The following SEPTIN8 variants were observed in gnomAD, a reference collection of about 807,000 sequenced individuals.
SEPTIN8 encodes septin 8, also known as septin-8.
In SEPTIN8, 22 loss-of-function variants were observed where a neutral mutation model predicts 53.1. The observed-to-expected ratio is 0.41, with a 90% confidence interval of 0.30 to 0.59. SEPTIN8 has a LOEUF of 0.59. Among genes scored for constraint, SEPTIN8 ranks in the 20% least tolerant of loss-of-function variants. The pLI is 0.24. For missense variants in SEPTIN8, 536 were observed against 638.7 expected, an observed-to-expected ratio of 0.84 and a Z score of 1.73; for synonymous variants, 228 against 248.4, an observed-to-expected ratio of 0.92 and a Z score of 0.77.
chr5:132,770,499 G>A (rs1757219401), intron 1 of SEPTIN8, among the ~76,000 whole-genome samples: 1 of 152,102 alleles, frequency 6.6e-6, no homozygotes, highest in Non-Finnish European at 1.5e-5. Context: ...ATATTTTTAT[G>A]TGAAATTCTG....
chr5:132,763,951 G>T, intron 3 of SEPTIN8, 59 bp from the exon 4 acceptor site: 6 of 1,485,616 alleles, frequency 4.0e-6, no homozygotes, highest in Non-Finnish European at 5.4e-6. Context: ...TTGGGGCTTG[G>T]GGGGCTCAGG....
intron 9 of SEPTIN8, 117 bp from the exon 10 acceptor site, chr5:132,752,298 A>G (rs1241035897): frequency 1.4e-5 from 18 of 1,331,640 alleles, no homozygotes; most frequent in Non-Finnish European, 1.8e-5. Context: ...GCCTCTGGAA[A>G]ATGTTCTGGC....
chr5:132,752,735 G>A (rs1429854669), intron 9 of SEPTIN8: 23 of 678,122 alleles, frequency 3.4e-5, no homozygotes, highest in South Asian at 2.6e-4. Context: ...GAGATGGTAG[G>A]ATTAGTGGTC....
chr5:132,758,719 T>C (rs1001734563), intron 9 of SEPTIN8: 4 of 1,610,800 alleles, frequency 2.5e-6, no homozygotes, highest in Non-Finnish European at 2.5e-6. Flanking sequence ...TCCCAGTCCG[T>C]CCTCACACCA....
At chr5:132,766,433 G>A (rs1442077495) in intron 1 of SEPTIN8, among the ~76,000 whole-genome samples, 3 of 152,216 alleles carry the variant, frequency 2.0e-5, no homozygotes, top group Non-Finnish European at 4.4e-5. Context: ...AAACCACGAG[G>A]ACCCAAAGCA....
chr5:132,771,800 C>T (rs750596298), intron 1 of SEPTIN8, among the ~76,000 whole-genome samples: 25 of 148,150 alleles, frequency 1.7e-4, no homozygotes, highest in Non-Finnish European at 3.3e-4. Flanking sequence ...GGAAAGGCTT[C>T]GGCTCTGGTC....
intron 9 of SEPTIN8, chr5:132,753,121 GA>G: frequency 1.7e-5 from 11 of 645,576 alleles, no homozygotes; most frequent in South Asian, 3.8e-5. Flanking sequence ...TGAGCCCTTG[GA>G]AAAAAAATAA....
At position 132,765,454 on chromosome 5, in the gene SEPTIN8, T is replaced by G; in HGVS notation, c.106A>C (p.Ser36Arg). Residue 36 changes from serine (S) to arginine (R), a missense_variant, in exon 2 of 10, where the codon AGC (serine) becomes CGC (arginine). This residue lies in a region of SEPTIN8 where 395 missense variants were observed against 451.8 expected (regional missense o/e 0.87). Transcript: ENST00000378719. ...CTGAAGCCCTGAGTGACCGACTTGC[T>G]GACCAGCTGGTCGGGGAGGCTGTCG... Reference protein sequence around the residue: ...GFDSLPDQLVSKSVTQGFSFN... With the variant: ...GFDSLPDQLVRKSVTQGFSFN... 1.2e-6 allele frequency: 2 copies of G among 1,613,672 alleles called. No individual in the cohort carries two copies. The highest frequency in any genetic ancestry group is 1.7e-6 in the Non-Finnish European group (2 of 1,179,736).
At position 132,761,905 on chromosome 5, in the gene SEPTIN8, G is replaced by T; in HGVS notation, c.697-9C>A. 6.3e-7 allele frequency: 1 copy of T among 1,575,578 alleles called. No homozygotes were observed. The highest frequency in any genetic ancestry group is 1.2e-5 in the South Asian group (1 of 85,832). On this transcript the variant is annotated splice_polypyrimidine_tract_variant and intron_variant, in intron 5 of 9. Coordinates refer to ENST00000378719, the MANE Select transcript of SEPTIN8 (RefSeq NM_001098811.2). The surrounding 1 kb of genome is among the most constrained non-coding windows in gnomAD (Gnocchi z 5.8). ...GCAAAGGGCAGATGTGCCTGGAAAG[G>T]GGCCCGGGTATGCGTAAGCCCTGAG...
rs752563836 is a variant in SEPTIN8, at chr5:132,761,890, G to C, written c.703C>G (p.Leu235Val). Residue 235 changes from leucine (L) to valine (V), a missense_variant, in exon 6 of 10, where the codon CTG (leucine) becomes GTG (valine). By Grantham distance (32) the Leu-to-Val change is conservative (BLOSUM62 1). Around this residue, in one of 3 missense-constraint regions of SEPTIN8, gnomAD observed 395 missense variants for 451.8 expected, o/e 0.87. Transcript: ENST00000378719. This position sits in a 1 kb window ranked among gnomAD's most constrained non-coding sequence, Gnocchi z 5.8. ...AEINAVMNAH[L>V]PFAVVGSTEE... ...GTGCTGCCCACCACGGCAAAGGGCA[G>C]ATGTGCCTGGAAAGGGGCCCGGGTA... 1.3e-6 allele frequency: 2 copies of C among 1,590,362 alleles called. No homozygotes were observed. The highest frequency in any genetic ancestry group is 2.3e-5 in the South Asian group (2 of 87,354).
chr5:132,770,125 GTATATA>G (rs1248248487), intron 1 of SEPTIN8, among the ~76,000 whole-genome samples: 14 of 47,318 alleles, frequency 3.0e-4, no homozygotes, highest in Middle Eastern at 9.3e-3. Flanking sequence ...ATATATATAT[GTATATA>G]TGTGTATGTG....
At position 132,770,362 on chromosome 5, in the gene SEPTIN8, T is replaced by A. The variant is rs570953054; in HGVS notation, c.31-4833A>T. Among the ~76,000 whole-genome samples, 11 of 151,642 alleles carry A rather than the reference T, an allele frequency of 7.3e-5. No individual in the cohort carries two copies. In the South Asian group the frequency reaches 2.3e-3, roughly 32 times the overall value. ...GCCTGGCTGATTTTTGTATTTTTAGTAGAGACGGGGTTTCACTATGTTGGC... is the reference window on the plus strand; with the variant it reads ...GCCTGGCTGATTTTTGTATTTTTAGAAGAGACGGGGTTTCACTATGTTGGC... On this transcript the variant is annotated intron_variant, in intron 1 of 9. Transcript: ENST00000378719.
At chr5:132,756,231 G>GCA in intron 9 of SEPTIN8, 1 of 985,380 alleles carries the variant, frequency 1.0e-6, no homozygotes, top group Non-Finnish European at 1.2e-6. Flanking sequence ...AGTCAGTAAT[G>GCA]CACAATTACA....
intron 1 of SEPTIN8, among the ~76,000 whole-genome samples, chr5:132,775,480 G>A (rs1757705807): frequency 6.6e-6 from 1 of 152,160 alleles, no homozygotes; most frequent in Non-Finnish European, 1.5e-5. Context: ...CCCCTATGAG[G>A]GAAGAAATAT....
At chr5:132,763,494 A>G (rs984766476) in intron 4 of SEPTIN8, among the ~76,000 whole-genome samples, 1 of 152,102 alleles carries the variant, frequency 6.6e-6, no homozygotes, top group Non-Finnish European at 1.5e-5. Context: ...GACCCAGGGC[A>G]CAGGACTCTG....
At chr5:132,767,943 C>CCACACACACA (rs57640097) in intron 1 of SEPTIN8, among the ~76,000 whole-genome samples, 5,556 of 127,892 alleles carry the variant, frequency 0.043, 252 homozygotes, top group East Asian at 0.14. Flanking sequence ...TGTCTGGAAA[C>CCACACACACA]CACACACACA....
At chr5:132,767,383 C>G (rs567570589) in intron 1 of SEPTIN8, among the ~76,000 whole-genome samples, 45 of 152,238 alleles carry the variant, frequency 3.0e-4, no homozygotes, top group African/African-American at 9.9e-4. Context: ...CCCCTCCCCT[C>G]GGCTCTACAG....
chr5:132,758,498 G>A, intron 9 of SEPTIN8: 1 of 1,612,638 alleles, frequency 6.2e-7, no homozygotes, highest in Non-Finnish European at 8.5e-7. Flanking sequence ...CGCTAGAGCG[G>A]CACATAACAG....
At position 132,761,941 on chromosome 5, in the gene SEPTIN8, C is replaced by A. The variant is rs144427199; in HGVS notation, c.697-45G>T. The A allele has an allele frequency of 1.7e-4, 258 of 1,513,158 alleles. 1 individual carries two copies. The East Asian group carries it at 4.9e-3, about 29-fold the overall frequency. 93.7% of individuals were successfully genotyped at this position (1,513,158 alleles called of 1,614,324 possible). ...TGCGTAAGCCCTGAGCTGACACAGA[C>A]TAATGGCAGACTCTCCCTCCCTGCC... On this transcript the variant is annotated intron_variant, in intron 5 of 9. Coordinates refer to ENST00000378719, the MANE Select transcript of SEPTIN8 (RefSeq NM_001098811.2). The surrounding 1 kb of genome is among the most constrained non-coding windows in gnomAD (Gnocchi z 5.8).
Sources: gnomAD v4.1 joint callset for allele counts (sites outside exome capture counted in the v4.1 genomes callset) on GRCh38, gnomAD v4.1.1 for gene constraint, gnomAD v4.1.1 regional missense constraint, Gnocchi (gnomAD v3.1) non-coding constraint, MANE v1.5 for transcripts, NCBI Gene and HGNC (gene_info 2026-07-23, HGNC 2026-07-21) for gene names.